RABGAP1: variants seen among roughly 807,000 people sequenced by gnomAD.
RABGAP1 encodes the protein rab GTPase-activating protein 1.
Under a neutral mutation model 137.6 loss-of-function variants are expected in RABGAP1, and 23 were observed. The observed-to-expected ratio is 0.17, with a 90% confidence interval of 0.12 to 0.24. The LOEUF (loss-of-function observed/expected upper bound fraction) is 0.24, where lower values mean the gene tolerates loss of function less well. Ranked by LOEUF, RABGAP1 falls within the 10% of genes least tolerant of loss-of-function variation. RABGAP1 has a pLI of 1.00. For missense variants in RABGAP1, 906 were observed against 1,275.8 expected, an observed-to-expected ratio of 0.71 and a Z score of 4.42; for synonymous variants, 451 against 450.7, an observed-to-expected ratio of 1.00 and a Z score of -0.01.
intron 13 of RABGAP1, among the ~76,000 whole-genome samples, chr9:123,025,543 CTTTT>C (rs577474947): frequency 8.0e-5 from 6 of 74,990 alleles, no homozygotes; most frequent in South Asian, 6.7e-4. Context: ...TCTTTCTTTT[CTTTT>C]TTTTTTTTTT....
chr9:123,103,222 G>C lies in RABGAP1; in HGVS notation c.*9G>C. 1.9e-6 allele frequency: 3 copies of C among 1,613,246 alleles called. No individual in the cohort carries two copies. The South Asian group carries it at 3.3e-5, about 18-fold the overall frequency. On this transcript the variant is annotated 3_prime_UTR_variant, in exon 26 of 26. Coordinates refer to ENST00000373647, the MANE Select transcript of RABGAP1 (RefSeq NM_012197.4). ...GGAAAGAGACTTGCTGAGAGCAGCT[G>C]CCGCCTCCCGACACCTTCAGAAAAC... is the stretch of plus-strand genomic sequence containing the variant.
At chr9:123,091,342 A>G (rs1302377565) in intron 21 of RABGAP1, among the ~76,000 whole-genome samples, 1 of 152,214 alleles carries the variant, frequency 6.6e-6, no homozygotes, top group African/African-American at 2.4e-5. Context: ...ATCCACCAGA[A>G]GCTTACAAAA....
intron 6 of RABGAP1, chr9:122,990,794 AAAATATATATATATATATATATAT>A (rs1836667327): frequency 2.5e-5 from 1 of 39,698 alleles, no homozygotes. Flanking sequence ...AAAAAAAAAA[AAAATATATATATATATATATATAT>A]ATATATATAT....
At chr9:123,034,876 A>G (rs1308300244) in intron 13 of RABGAP1, 6 of 1,613,754 alleles carry the variant, frequency 3.7e-6, no homozygotes, top group Non-Finnish European at 5.1e-6. Flanking sequence ...GACTTGCCAG[A>G]TATTTGGTTT....
At chr9:122,992,106 G>A (rs546556755) in intron 6 of RABGAP1, among the ~76,000 whole-genome samples, 11 of 151,646 alleles carry the variant, frequency 7.3e-5, no homozygotes, top group East Asian at 1.9e-4. Context: ...GCACGATCAC[G>A]GTTCACCGCA....
At chr9:122,934,030 C>T in the RABGAP1 span, among the ~76,000 whole-genome samples, 53 of 151,966 alleles carry the variant, frequency 3.5e-4, no homozygotes, top group Middle Eastern at 3.4e-3. Flanking sequence ...CAAAGTACTG[C>T]GGTTGTAAGC....
In RABGAP1 at chr9:122,941,694, C is replaced by G. The variant is rs1437751379; in HGVS notation, c.-50+601C>G. 1.2e-4 allele frequency among the ~76,000 whole-genome samples: 18 copies of G among 152,220 alleles called. No individual in the cohort carries two copies. In the East Asian group the frequency reaches 3.3e-3, roughly 28 times the overall value. ...CTTCTCATCTCCTTGAAGCAGCTAC[C>G]CCAGTACCTCATCGCTGTGTCTTTT... On this transcript the variant is annotated intron_variant, in intron 1 of 25. Coordinates refer to ENST00000373647, the MANE Select transcript of RABGAP1 (RefSeq NM_012197.4).
chr9:122,980,809 C>T (rs1836008306), intron 2 of RABGAP1, among the ~76,000 whole-genome samples: 3 of 152,294 alleles, frequency 2.0e-5, no homozygotes, highest in Middle Eastern at 3.4e-3. Flanking sequence ...ATGTGAACAT[C>T]TCATGGGGTG....
chr9:123,059,997 T>G (rs2033904639), intron 13 of RABGAP1, among the ~76,000 whole-genome samples: 3 of 152,200 alleles, frequency 2.0e-5, no homozygotes, highest in Non-Finnish European at 4.4e-5. Flanking sequence ...GAATCCAGAC[T>G]CTGCAGAAAG....
At chr9:123,057,022 G>C (rs2033733535) in intron 13 of RABGAP1, among the ~76,000 whole-genome samples, 1 of 152,198 alleles carries the variant, frequency 6.6e-6, no homozygotes, top group Admixed American at 6.5e-5. Flanking sequence ...TGGCCGGGCA[G>C]AGGGGCTCCT....
chr9:123,078,219 T>C (rs1329576272), intron 19 of RABGAP1, among the ~76,000 whole-genome samples: 1 of 151,122 alleles, frequency 6.6e-6, no homozygotes, highest in Non-Finnish European at 1.5e-5. Flanking sequence ...ACAGTAGAAA[T>C]CATAATATAA....
At chr9:123,056,634 G>T (rs532517850) in intron 13 of RABGAP1, among the ~76,000 whole-genome samples, 3 of 150,688 alleles carry the variant, frequency 2.0e-5, no homozygotes, top group African/African-American at 7.4e-5. Flanking sequence ...GCGGCCTTCC[G>T]CAGTGTTTGT....
intron 19 of RABGAP1, among the ~76,000 whole-genome samples, chr9:123,081,310 G>A (rs2034699625): frequency 6.6e-6 from 1 of 152,156 alleles, no homozygotes. Context: ...AGGTGCGCAG[G>A]GCGTCAGTGC....
chr9:123,053,926 C>T (rs1477782841), intron 13 of RABGAP1, among the ~76,000 whole-genome samples: 1 of 152,128 alleles, frequency 6.6e-6, no homozygotes, highest in African/African-American at 2.4e-5. Flanking sequence ...CCTACAGTTC[C>T]CAGTACCTTG....
intron 15 of RABGAP1, among the ~76,000 whole-genome samples, chr9:123,072,706 C>A (rs1485912634): frequency 6.6e-6 from 1 of 152,202 alleles, no homozygotes; most frequent in Admixed American, 6.5e-5. Context: ...CAGTAATGAT[C>A]TGCTATGCTT....
chr9:123,056,768 C>T (rs1490112214), intron 13 of RABGAP1, among the ~76,000 whole-genome samples: 1 of 152,104 alleles, frequency 6.6e-6, no homozygotes, highest in Non-Finnish European at 1.5e-5. Context: ...GTGGACACAG[C>T]GCGTTTCAGA....
At chr9:123,100,314 T>C (rs1346820917) in intron 24 of RABGAP1, among the ~76,000 whole-genome samples, 1 of 152,176 alleles carries the variant, frequency 6.6e-6, no homozygotes, top group African/African-American at 2.4e-5. Flanking sequence ...CTCATGGCTA[T>C]GTTTGCGCAA....
chr9:123,058,340 T>A (rs1305800766), intron 13 of RABGAP1, among the ~76,000 whole-genome samples: 1 of 150,988 alleles, frequency 6.6e-6, no homozygotes, highest in African/African-American at 2.4e-5. Flanking sequence ...AAAAAATTTT[T>A]CTAAAATCTA....
intron 2 of RABGAP1, among the ~76,000 whole-genome samples, chr9:122,982,048 C>CA (rs761154597): frequency 0.022 from 1,645 of 73,518 alleles, 21 homozygotes; most frequent in African/African-American, 0.067. Context: ...GACTCTGTCT[C>CA]AAAAAAAAAA....
Sources: allele counts gnomAD v4.1 joint callset (sites outside exome capture counted in the v4.1 genomes callset), GRCh38; gene constraint gnomAD v4.1.1; transcripts MANE v1.5; gene names NCBI Gene and HGNC (gene_info 2026-07-23, HGNC 2026-07-21).